SPAG16: variants seen among roughly 807,000 people sequenced by gnomAD.
The protein encoded by SPAG16 is sperm-associated antigen 16 protein.
Under a neutral mutation model 80.4 loss-of-function variants are expected in SPAG16, and 86 were observed. That is an observed-to-expected ratio of 1.07 (90% CI 0.90 to 1.28). The LOEUF (loss-of-function observed/expected upper bound fraction) is 1.28. Among genes scored for constraint, SPAG16 ranks in the 50% most tolerant of loss-of-function variants. SPAG16 has a pLI of 0.00. For synonymous variants in SPAG16, 294 were observed against 265.9 expected, an observed-to-expected ratio of 1.11 and a Z score of -1.03; for missense variants, 870 against 765.3, an observed-to-expected ratio of 1.14 and a Z score of -1.61.
intron 13 of SPAG16, among the ~76,000 whole-genome samples, chr2:214,029,988 C>A (rs759695737): frequency 4.6e-5 from 7 of 152,036 alleles, no homozygotes; most frequent in Admixed American, 1.3e-4. Context: ...GTGGTAAGAA[C>A]AATCAACATG....
chr2:214,256,438 G>A (rs1275249256), intron 15 of SPAG16, among the ~76,000 whole-genome samples: 3 of 151,754 alleles, frequency 2.0e-5, no homozygotes, highest in African/African-American at 7.3e-5. Flanking sequence ...TGCCTCTTAG[G>A]ACCTGTCCTA....
chr2:214,241,528 G>A (rs1689487157), intron 15 of SPAG16, among the ~76,000 whole-genome samples: 1 of 152,108 alleles, frequency 6.6e-6, no homozygotes, highest in Non-Finnish European at 1.5e-5. Flanking sequence ...TGCAGTATCA[G>A]TAAATATGGC....
At chr2:214,362,008 AGGATTATCAGTCAGGATTGTTTACTGTG>A (rs1166818700) in intron 15 of SPAG16, among the ~76,000 whole-genome samples, 1 of 151,934 alleles carries the variant, frequency 6.6e-6, no homozygotes, top group Non-Finnish European at 1.5e-5. Context: ...TCTGGAGAGA[AGGATTATCAGTCAGGATTGTTTACTGTG>A]GTAACAAACA....
intron 10 of SPAG16, among the ~76,000 whole-genome samples, chr2:213,855,552 G>T (rs2105922928): frequency 6.6e-6 from 1 of 152,126 alleles, no homozygotes; most frequent in Non-Finnish European, 1.5e-5. Flanking sequence ...GAAGTGTATT[G>T]GTTAATATGC....
chr2:214,336,037 G>A (rs1697268497), intron 15 of SPAG16, among the ~76,000 whole-genome samples: 1 of 152,100 alleles, frequency 6.6e-6, no homozygotes, highest in Admixed American at 6.6e-5. Flanking sequence ...GATTATGGCT[G>A]TGAGCCACCA....
intron 14 of SPAG16, among the ~76,000 whole-genome samples, chr2:214,129,938 A>G (rs2054681724): frequency 6.6e-6 from 1 of 152,166 alleles, no homozygotes; most frequent in South Asian, 2.1e-4. Context: ...GGTATTAACA[A>G]AAAACCATGA....
chr2:213,486,852 T>C (rs2074001416), intron 9 of SPAG16, among the ~76,000 whole-genome samples: 1 of 152,060 alleles, frequency 6.6e-6, no homozygotes, highest in Non-Finnish European at 1.5e-5. Flanking sequence ...CCAGCTGAAA[T>C]TAACATGCCA....
At chr2:214,082,930 T>A (rs1346154302) in intron 13 of SPAG16, among the ~76,000 whole-genome samples, 1 of 152,158 alleles carries the variant, frequency 6.6e-6, no homozygotes, top group Non-Finnish European at 1.5e-5. Context: ...AACTCTACCA[T>A]TTACCAACAT....
chr2:213,458,085 G>A (rs1227254132), intron 9 of SPAG16, among the ~76,000 whole-genome samples: 1 of 150,962 alleles, frequency 6.6e-6, no homozygotes, highest in African/African-American at 2.4e-5. Context: ...TTCCTTTTTT[G>A]CTATTCTACT....
chr2:214,298,973 G>A (rs1402279552), intron 15 of SPAG16, among the ~76,000 whole-genome samples: 1 of 152,090 alleles, frequency 6.6e-6, no homozygotes, highest in African/African-American at 2.4e-5. Flanking sequence ...TTATTTTAGT[G>A]TAACATTTAA....
At chr2:213,541,696 AATAAAC>A (rs1439888673) in intron 10 of SPAG16, among the ~76,000 whole-genome samples, 1 of 152,224 alleles carries the variant, frequency 6.6e-6, no homozygotes, top group Non-Finnish European at 1.5e-5. Flanking sequence ...CAAGATGTAT[AATAAAC>A]ATAAAGAACA....
At chr2:214,121,152 C>T (rs762432449) in intron 14 of SPAG16, among the ~76,000 whole-genome samples, 5 of 151,660 alleles carry the variant, frequency 3.3e-5, no homozygotes, top group Admixed American at 6.6e-5. Flanking sequence ...TTTCATTTTA[C>T]CCAATATCTC....
intron 12 of SPAG16, among the ~76,000 whole-genome samples, chr2:213,952,490 A>G (rs2079841446): frequency 6.6e-6 from 1 of 152,110 alleles, no homozygotes; most frequent in South Asian, 2.1e-4. Flanking sequence ...TGTACATGCT[A>G]AAAAATAATG....
At chr2:214,146,404 C>T (rs1251036235) in intron 14 of SPAG16, among the ~76,000 whole-genome samples, 2 of 152,200 alleles carry the variant, frequency 1.3e-5, no homozygotes, top group Non-Finnish European at 2.9e-5. Flanking sequence ...GATTCTCTGC[C>T]TCTTCCATTG....
intron 10 of SPAG16, among the ~76,000 whole-genome samples, chr2:213,859,326 C>CA (rs762685808): frequency 6.8e-6 from 1 of 147,192 alleles, no homozygotes; most frequent in Non-Finnish European, 1.5e-5. Context: ...TACATCTGCA[C>CA]AAAAACTTAT....
At chr2:213,374,155 A>G (rs1473817027) in intron 8 of SPAG16, among the ~76,000 whole-genome samples, 3 of 152,166 alleles carry the variant, frequency 2.0e-5, no homozygotes, top group Admixed American at 2.0e-4. Flanking sequence ...TTTGTCTAGA[A>G]CTGGTATCGA....
rs181748853 is a variant in SPAG16, at chr2:213,866,071, T to C, written c.1214+3443T>C. 1.6e-4 allele frequency among the ~76,000 whole-genome samples: 24 copies of C among 151,704 alleles called. No individual in the cohort carries two copies. In the East Asian group the frequency reaches 3.9e-3, roughly 24 times the overall value. ...TTGAAGAAACTGAGTTTTAAAGTTT[T>C]ACCTTGCATGCCCATCTTTAGCAGT... On this transcript the variant is annotated intron_variant, in intron 11 of 15. Transcript: ENST00000331683.
chr2:213,895,337 A>G (rs541766069), intron 11 of SPAG16, among the ~76,000 whole-genome samples: 25 of 152,114 alleles, frequency 1.6e-4, no homozygotes, highest in African/African-American at 5.1e-4. Context: ...TAAAATGACA[A>G]TACTACCCAA....
intron 15 of SPAG16, among the ~76,000 whole-genome samples, chr2:214,352,910 T>A (rs1029870096): frequency 6.6e-6 from 1 of 152,120 alleles, no homozygotes; most frequent in African/African-American, 2.4e-5. Context: ...ACCTTACACA[T>A]AGTTACTATA....
Sources: gnomAD v4.1 joint callset for allele counts (sites outside exome capture counted in the v4.1 genomes callset) on GRCh38, gnomAD v4.1.1 for gene constraint, MANE v1.5 for transcripts, NCBI Gene and HGNC (gene_info 2026-07-23, HGNC 2026-07-21) for gene names.